The following RIC1 variants were observed in gnomAD, a reference collection of about 807,000 sequenced individuals.
RIC1 encodes guanine nucleotide exchange factor subunit RIC1.
A neutral mutation model predicts 169.0 loss-of-function variants in RIC1; 88 were observed. The ratio of observed to expected loss-of-function variants is 0.52; its 90% CI spans 0.44 to 0.62. The LOEUF (loss-of-function observed/expected upper bound fraction) is 0.62. Ranked by LOEUF, RIC1 falls within the 20% of genes least tolerant of loss-of-function variation. The pLI, the probability that RIC1 is intolerant of heterozygous loss-of-function variation, is 0.00. For missense variants in RIC1, 1,877 were observed against 1,725.5 expected, an observed-to-expected ratio of 1.09 and a Z score of -1.56; for synonymous variants, 790 against 601.5, an observed-to-expected ratio of 1.31 and a Z score of -4.59.
intron 1 of RIC1, among the ~76,000 whole-genome samples, chr9:5,634,991 T>C (rs1817901738): frequency 6.6e-6 from 1 of 152,204 alleles, no homozygotes; most frequent in South Asian, 2.1e-4. Flanking sequence ...TTATTCATCA[T>C]CATCACCATT....
chr9:5,703,667 G>A (rs2130784204), intron 3 of RIC1, among the ~76,000 whole-genome samples: 1 of 152,286 alleles, frequency 6.6e-6, no homozygotes, highest in South Asian at 2.1e-4. Context: ...TTAATGTAAT[G>A]TTTTCAAGGT....
intron 2 of RIC1, among the ~76,000 whole-genome samples, chr9:5,660,008 C>T (rs939190470): frequency 6.6e-6 from 1 of 152,080 alleles, no homozygotes; most frequent in African/African-American, 2.4e-5. Flanking sequence ...TGCGCCCTGC[C>T]CCTCCATCCT....
rs1429852932 is a variant in RIC1, at chr9:5,774,403, C to A, written c.*157C>A. The A allele has an allele frequency of 3.5e-6, 2 of 576,988 alleles. No homozygotes were observed. 35.7% of individuals were successfully genotyped at this position (576,988 alleles called of 1,614,324 possible). On this transcript the variant is annotated 3_prime_UTR_variant, in exon 26 of 26. Transcript: ENST00000414202. ...ACTAATTCTTTCTTGTCTAAGAAAT[C>A]TTTTTGACTCCATAAAAATGTGATA...
intron 6 of RIC1, among the ~76,000 whole-genome samples, chr9:5,723,186 A>G (rs575733974): frequency 5.6e-4 from 86 of 152,330 alleles, no homozygotes; most frequent in Admixed American, 3.2e-3. Context: ...GTGTAAAAGT[A>G]TTCCTATTTC....
At chr9:5,772,316 G>T (rs972314197) in intron 23 of RIC1, among the ~76,000 whole-genome samples, 2 of 152,110 alleles carry the variant, frequency 1.3e-5, no homozygotes, top group Admixed American at 1.3e-4. Context: ...ATTTTATTGA[G>T]GGAGTTGGGG....
At chr9:5,672,508 A>G (rs1820168326) in intron 2 of RIC1, among the ~76,000 whole-genome samples, 1 of 152,234 alleles carries the variant, frequency 6.6e-6, no homozygotes, top group African/African-American at 2.4e-5. Context: ...CCAGAAGATC[A>G]AATAGAAACA....
At chr9:5,673,805 A>T (rs1453009978) in intron 2 of RIC1, among the ~76,000 whole-genome samples, 1 of 152,022 alleles carries the variant, frequency 6.6e-6, no homozygotes, top group Non-Finnish European at 1.5e-5. Context: ...TATATTTATC[A>T]GTTTAAAAAT....
intron 4 of RIC1, among the ~76,000 whole-genome samples, chr9:5,718,316 G>T (rs900774996): frequency 6.6e-6 from 1 of 152,008 alleles, no homozygotes; most frequent in Non-Finnish European, 1.5e-5. Flanking sequence ...AATTTAAAAA[G>T]AGTGTATTTA....
chr9:5,773,831 C>A, intron 25 of RIC1, 127 bp from the exon 26 acceptor site: 1 of 863,480 alleles, frequency 1.2e-6, no homozygotes, highest in Non-Finnish European at 1.7e-6. Flanking sequence ...CCTTCTTTGC[C>A]TCCTCTCTCC....
chr9:5,635,489 A>G (rs1310324574), intron 1 of RIC1, among the ~76,000 whole-genome samples: 3 of 152,122 alleles, frequency 2.0e-5, no homozygotes, highest in Non-Finnish European at 4.4e-5. Context: ...GATTGACTAT[A>G]TATGCATGCG....
intron 23 of RIC1, among the ~76,000 whole-genome samples, chr9:5,771,990 T>C (rs187464439): frequency 1.3e-5 from 2 of 152,204 alleles, no homozygotes. Flanking sequence ...CTATAAAAAT[T>C]TGATAATTCC....
At chr9:5,769,336 A>G in intron 22 of RIC1, 80 bp downstream of exon 22, 3 of 1,613,562 alleles carry the variant, frequency 1.9e-6, no homozygotes, top group South Asian at 1.1e-5. Context: ...ATTAGTTGAT[A>G]TTCAAGGAAT....
chr9:5,730,403 G>C (rs1034662549), intron 6 of RIC1, among the ~76,000 whole-genome samples: 2 of 152,162 alleles, frequency 1.3e-5, no homozygotes, highest in Non-Finnish European at 2.9e-5. Flanking sequence ...TAGGCTATAT[G>C]CAACAACACA....
At chr9:5,743,248 C>T (rs1043926469) in intron 9 of RIC1, among the ~76,000 whole-genome samples, 5 of 152,080 alleles carry the variant, frequency 3.3e-5, no homozygotes, top group Non-Finnish European at 7.4e-5. Context: ...GTATATATGA[C>T]AGCATGTTAG....
chr9:5,684,710 TC>T lies in RIC1; in HGVS notation c.253-5248del, dbSNP rs775615756. On this transcript the variant is annotated intron_variant, in intron 2 of 25. Transcript: ENST00000414202. ...CCCCAATTTATATACCTTTTCTTTT[TC>T]TTGTCTGAATTTACTGCCTAGAGTC... Among the ~76,000 whole-genome samples, 5 of 152,174 alleles carry T rather than the reference TC, an allele frequency of 3.3e-5. No homozygotes were observed. In the East Asian group the frequency reaches 7.7e-4, roughly 23 times the overall value.
chr9:5,632,929 A>G (rs1817788503), intron 1 of RIC1, among the ~76,000 whole-genome samples: 1 of 152,192 alleles, frequency 6.6e-6, no homozygotes. Flanking sequence ...CCGACTTTAA[A>G]CATTTAAATT....
intron 6 of RIC1, among the ~76,000 whole-genome samples, chr9:5,728,091 G>A (rs927581061): frequency 1.3e-5 from 2 of 152,230 alleles, no homozygotes; most frequent in African/African-American, 4.8e-5. Context: ...GGACATTTAC[G>A]TCTGCAGAAC....
chr9:5,655,897 C>T (rs556187113), intron 1 of RIC1, among the ~76,000 whole-genome samples: 123 of 152,148 alleles, frequency 8.1e-4, no homozygotes, highest in African/African-American at 2.4e-3. Context: ...GACAGAGTCT[C>T]GCTTTGTCAC....
intron 1 of RIC1, among the ~76,000 whole-genome samples, chr9:5,636,402 C>T (rs1817973816): frequency 6.6e-6 from 1 of 152,112 alleles, no homozygotes; most frequent in Admixed American, 6.5e-5. Context: ...TCACTGCAGC[C>T]TCTGCCTCCT....
Sources: allele counts gnomAD v4.1 joint callset (sites outside exome capture counted in the v4.1 genomes callset), GRCh38; gene constraint gnomAD v4.1.1; transcripts MANE v1.5; gene names NCBI Gene and HGNC (gene_info 2026-07-23, HGNC 2026-07-21).